Variants in PRSS1 observed in about 807,000 individuals in gnomAD.
PRSS1 encodes the protein TCR V beta 4.1.
PRSS1 carries 22 observed loss-of-function variants against 24.2 expected under a neutral mutation model. The ratio of observed to expected loss-of-function variants is 0.91; its 90% CI spans 0.65 to 1.30. The LOEUF (loss-of-function observed/expected upper bound fraction) is 1.30, where lower values mean the gene tolerates loss of function less well. Ranked by LOEUF, PRSS1 falls within the 50% of genes most tolerant of loss-of-function variation. The pLI, the probability that PRSS1 is intolerant of heterozygous loss-of-function variation, is 0.00. For synonymous variants in PRSS1, 126 were observed against 116.1 expected, an observed-to-expected ratio of 1.08 and a Z score of -0.55; for missense variants, 366 against 304.2, an observed-to-expected ratio of 1.20 and a Z score of -1.51.
At position 142,752,423 on chromosome 7, in the gene PRSS1, C is replaced by A; in HGVS notation, c.455-8C>A. On this transcript the variant is annotated splice_polypyrimidine_tract_variant and splice_region_variant and intron_variant, in intron 3 of 4. Coordinates refer to ENST00000311737, the MANE Select transcript of PRSS1 (RefSeq NM_002769.5). ...CTACTTCCTTTGATCTCTTCCTGAT[C>A]CTCACAGCCGACTACCCAGACGAGC... 6.2e-7 allele frequency: 1 copy of A among 1,613,920 alleles called. No individual in the cohort carries two copies. The highest frequency in any genetic ancestry group is 1.1e-5 in the South Asian group (1 of 91,070).
At position 142,752,938 on chromosome 7, in the gene PRSS1, C is replaced by T. The variant is rs1563263174; in HGVS notation, c.662C>T (p.Ala221Val). The change falls in exon 5 of 5, where the codon GCC (alanine) becomes GTC (valine). Residue 221 changes from alanine (A) to valine (V), a missense_variant. Coordinates refer to ENST00000311737, the MANE Select transcript of PRSS1 (RefSeq NM_002769.5). ...GTTGTCTCCTGGGGTGATGGCTGTG[C>T]CCAGAAGAACAAGCCTGGAGTCTAC... ...QGVVSWGDGC[A>V]QKNKPGVYTK... The T allele has an allele frequency of 6.2e-7, 1 of 1,612,920 alleles. No individual in the cohort carries two copies. The highest frequency in any genetic ancestry group is 8.5e-7 in the Non-Finnish European group (1 of 1,179,630).
intron 2 of PRSS1, chr7:142,751,375 C>T (rs1798711044): frequency 6.9e-6 from 4 of 576,320 alleles, no homozygotes; most frequent in Non-Finnish European, 1.2e-5. Flanking sequence ...GTGGTTCTCA[C>T]CAGGCCAAGA....
chr7:142,750,109 G>C (rs564408045), intron 1 of PRSS1, among the ~76,000 whole-genome samples: 58 of 152,114 alleles, frequency 3.8e-4, no homozygotes, highest in Middle Eastern at 3.4e-3. Context: ...GCACAGATCT[G>C]AGCTATGGGG....
At chr7:142,752,809 T>C (rs796239652) in intron 4 of PRSS1, 59 bp from the exon 5 acceptor site, 2 of 1,590,348 alleles carry the variant, frequency 1.3e-6, no homozygotes, top group Admixed American at 1.7e-5. Context: ...AGGTTCAGAG[T>C]AAATGTAGCT....
At position 142,751,813 on chromosome 7, in the gene PRSS1, C is replaced by G; in HGVS notation, c.240C>G (p.Val80=). 1.2e-6 allele frequency: 2 copies of G among 1,614,150 alleles called. No individual in the cohort carries two copies. Among genetic ancestry groups the G allele is most frequent in the Non-Finnish European group, 1.7e-6 (2 of 1,180,022 alleles). The change falls in exon 3 of 5, where the codon GTC becomes GTG. Residue 80 remains valine, a synonymous_variant. Coordinates refer to ENST00000311737, the MANE Select transcript of PRSS1 (RefSeq NM_002769.5). The part of the protein sequence containing the change: ...QVRLGEHNIE[V]LEGNEQFINA... The stretch of plus-strand genomic sequence containing the variant: ...GACTGGGAGAGCACAACATCGAAGT[C>G]CTGGAGGGGAATGAGCAGTTCATCA...
At position 142,751,862 on chromosome 7, in the gene PRSS1, C is replaced by T. The variant is rs1297813457; in HGVS notation, c.289C>T (p.Pro97Ser). Residue 97 changes from proline (P) to serine (S), a missense_variant, in exon 3 of 5, where the codon CCC becomes TCC. By Grantham distance (74) the Pro-to-Ser change is moderately conservative. Coordinates refer to ENST00000311737, the MANE Select transcript of PRSS1 (RefSeq NM_002769.5). ...CAATGCAGCCAAGATCATCCGCCAC[C>T]CCCAATACGACAGGAAGACTCTGAA... ...FINAAKIIRHPQYDRKTLNND... is the reference protein window; with the variant it reads ...FINAAKIIRHSQYDRKTLNND... The T allele has an allele frequency of 4.3e-6, 7 of 1,614,046 alleles. No individual in the cohort carries two copies. Among genetic ancestry groups the T allele is most frequent in the Non-Finnish European group, 5.9e-6 (7 of 1,180,008 alleles).
In PRSS1 at chr7:142,750,702, A is replaced by G. The variant is rs776806418; in HGVS notation, c.188A>G (p.His63Arg). 3 of 1,613,750 alleles carry G rather than the reference A, an allele frequency of 1.9e-6. No homozygotes were observed. Among genetic ancestry groups the G allele is most frequent in the South Asian group, 2.2e-5 (2 of 91,058 alleles). The change falls in exon 2 of 5, where the codon CAC becomes CGC. Residue 63 changes from histidine to arginine, a missense_variant. Transcript: ENST00000311737. ...INEQWVVSAGHCYKSRIQVRL... is the reference protein window; with the variant it reads ...INEQWVVSAGRCYKSRIQVRL... ...GAACAGTGGGTGGTATCAGCAGGCC[A>G]CTGCTACAAGTCGTAAGTGTGGGGC...
intron 2 of PRSS1, 140 bp from the exon 3 acceptor site, chr7:142,751,634 T>G (rs1433678629): frequency 1.3e-5 from 20 of 1,504,980 alleles, no homozygotes; most frequent in Non-Finnish European, 1.5e-5. Flanking sequence ...ATCCCTCTGC[T>G]GCCCATGCGA....
At chr7:142,751,195 C>G (rs1363977581) in intron 2 of PRSS1, 1 of 670,368 alleles carries the variant, frequency 1.5e-6, no homozygotes, top group Admixed American at 2.2e-5. Context: ...AACTCTCAAA[C>G]CTGAGTATGC....
intron 3 of PRSS1, 48 bp from the exon 4 acceptor site, chr7:142,752,383 G>C: frequency 1.2e-6 from 2 of 1,604,996 alleles, no homozygotes; most frequent in Non-Finnish European, 1.7e-6. Context: ...TCCTTCTCTG[G>C]CCTGACCCAC....
rs200890507 is a variant in PRSS1, at chr7:142,752,445, G to A, written c.469G>A (p.Glu157Lys). ...GATCCTCACAGCCGACTACCCAGAC[G>A]AGCTGCAGTGCCTGGATGCTCCTGT... ...TASSGADYPD[E>K]LQCLDAPVLS... is the part of the protein sequence containing the mutation. Residue 157 changes from glutamate to lysine, a missense_variant, in exon 4 of 5, where the codon GAG becomes AAG. Transcript: ENST00000311737. 42 of 1,614,128 alleles carry A rather than the reference G, an allele frequency of 2.6e-5. No individual in the cohort carries two copies. In the East Asian group the frequency reaches 5.8e-4, roughly 22 times the overall value.
intron 3 of PRSS1, 127 bp from the exon 4 acceptor site, chr7:142,752,304 A>C: frequency 1.4e-6 from 2 of 1,388,936 alleles, no homozygotes; most frequent in Non-Finnish European, 2.0e-6. Flanking sequence ...GTCTCTTGCC[A>C]GGACTTATGT....
At chr7:142,752,225 T>C (rs1461967568) in intron 3 of PRSS1, among the ~76,000 whole-genome samples, 198 bp downstream of exon 3, 1 of 152,150 alleles carries the variant, frequency 6.6e-6, no homozygotes, top group Non-Finnish European at 1.5e-5. Context: ...ACAGGACAAA[T>C]GGAGAACTTG....
rs1798850900 is a variant in PRSS1 at position 142,752,659 on chromosome 7, G to C, written c.591+92G>C. ...TTTGAACTCAAAAGGTGGTGGGGCT[G>C]AGGAGGCTCCCTGCAGTGCCCACAT... On this transcript the variant is annotated intron_variant, in intron 4 of 4. Transcript: ENST00000311737. The C allele has an allele frequency of 2.5e-6, 4 of 1,595,674 alleles. No individual in the cohort carries two copies. In the African/African-American group the frequency reaches 4.0e-5, roughly 16 times the overall value.
At chr7:142,752,620 A>G in intron 4 of PRSS1, 53 bp downstream of exon 4, 1 of 1,613,600 alleles carries the variant, frequency 6.2e-7, no homozygotes, top group Non-Finnish European at 8.5e-7. Context: ...CCTAGGCCCC[A>G]CCAGGGAAAA....
At position 142,750,664 on chromosome 7, in the gene PRSS1, C is replaced by A. The variant is rs765375872; in HGVS notation, c.150C>A (p.Gly50=). Residue 50 remains glycine (G), a synonymous_variant, in exon 2 of 5, where the codon GGC becomes GGA. Coordinates refer to ENST00000311737, the MANE Select transcript of PRSS1 (RefSeq NM_002769.5). ...SLNSGYHFCG[G]SLINEQWVVS... The stretch of plus-strand genomic sequence containing the variant: ...ATTCTGGCTACCACTTCTGTGGTGG[C>A]TCCCTCATCAACGAACAGTGGGTGG... The A allele has an allele frequency of 1.2e-6, 2 of 1,613,990 alleles. No individual in the cohort carries two copies. The highest frequency in any genetic ancestry group is 2.2e-5 in the South Asian group (2 of 91,080).
At chr7:142,751,365 G>A (rs1455770599) in intron 2 of PRSS1, 1 of 579,638 alleles carries the variant, frequency 1.7e-6, no homozygotes, top group Non-Finnish European at 3.1e-6. Flanking sequence ...ACACAGAAGG[G>A]TGGTTCTCAC....
intron 3 of PRSS1, among the ~76,000 whole-genome samples, 194 bp downstream of exon 3, chr7:142,752,221 C>A (rs1449613955): frequency 6.6e-6 from 1 of 152,148 alleles, no homozygotes; most frequent in Non-Finnish European, 1.5e-5. Context: ...AGAGACAGGA[C>A]AAATGGAGAA....
chr7:142,752,282 C>T (rs1392942439), intron 3 of PRSS1, 149 bp from the exon 4 acceptor site: 3 of 1,312,284 alleles, frequency 2.3e-6, no homozygotes, highest in Non-Finnish European at 3.3e-6. Flanking sequence ...ATTCTGGGAA[C>T]TAAAAGCCAG....
Sources: gnomAD v4.1 joint callset for allele counts (sites outside exome capture counted in the v4.1 genomes callset) on GRCh38, gnomAD v4.1.1 for gene constraint, MANE v1.5 for transcripts, NCBI Gene and HGNC (gene_info 2026-07-23, HGNC 2026-07-21) for gene names.